SLC16A10: variants seen among roughly 807,000 people sequenced by gnomAD.
The protein encoded by SLC16A10 is monocarboxylate transporter 10.
In SLC16A10, 27 loss-of-function variants were observed where a neutral mutation model predicts 40.0. The ratio of observed to expected loss-of-function variants is 0.67; its 90% CI spans 0.50 to 0.93. The LOEUF (loss-of-function observed/expected upper bound fraction) is 0.93. SLC16A10 is among the 40% of genes least tolerant of loss of function. The pLI is 0.00. For synonymous variants in SLC16A10, 213 were observed against 249.8 expected (o/e 0.85, Z 1.39); for missense variants, 529 against 658.2 (o/e 0.80, Z 2.15).
intron 4 of SLC16A10, among the ~76,000 whole-genome samples, chr6:111,215,316 A>G (rs1354227593): frequency 6.6e-6 from 1 of 151,786 alleles, no homozygotes; most frequent in Non-Finnish European, 1.5e-5. Flanking sequence ...TAACAAAGCC[A>G]AGTACTGTAC....
chr6:111,134,777 G>A (rs1289719816), intron 1 of SLC16A10, among the ~76,000 whole-genome samples: 1 of 152,156 alleles, frequency 6.6e-6, no homozygotes, highest in African/African-American at 2.4e-5. Context: ...TGCCCCAGGG[G>A]ACGTAGGTCC....
intron 1 of SLC16A10, among the ~76,000 whole-genome samples, chr6:111,123,074 AT>A (rs1355901706): frequency 1.3e-5 from 2 of 152,194 alleles, no homozygotes; most frequent in Non-Finnish European, 2.9e-5. Context: ...TTGGAGCCTA[AT>A]GTGATCTGGA....
chr6:111,116,533 T>C (rs1771490520), intron 1 of SLC16A10, among the ~76,000 whole-genome samples: 1 of 152,174 alleles, frequency 6.6e-6, no homozygotes, highest in Admixed American at 6.5e-5. Context: ...AAGTAAAAAT[T>C]TGAAGTCAAC....
At chr6:111,121,311 C>T (rs771855974) in intron 1 of SLC16A10, among the ~76,000 whole-genome samples, 24 of 152,182 alleles carry the variant, frequency 1.6e-4, no homozygotes, top group South Asian at 1.0e-3. Flanking sequence ...CCGGTAATCC[C>T]GGCACTTTGG....
chr6:111,149,561 A>G (rs1772137083), intron 1 of SLC16A10, among the ~76,000 whole-genome samples: 1 of 152,214 alleles, frequency 6.6e-6, no homozygotes, highest in Non-Finnish European at 1.5e-5. Context: ...AAAGTTTTAT[A>G]TGCATACAGT....
At chr6:111,218,787 G>A in intron 4 of SLC16A10, 27 bp from the exon 5 acceptor site, 1 of 1,595,278 alleles carries the variant, frequency 6.3e-7, no homozygotes, top group Non-Finnish European at 8.6e-7. Context: ...CCTGCGAGCG[G>A]AGCTGACCTT....
intron 1 of SLC16A10, among the ~76,000 whole-genome samples, chr6:111,095,121 C>CTGGGCCAG: frequency 6.6e-6 from 1 of 152,394 alleles, no homozygotes; most frequent in African/African-American, 2.4e-5. Flanking sequence ...CCTGCAAGCT[C>CTGGGCCAG]TGGCCCTTGC....
intron 1 of SLC16A10, among the ~76,000 whole-genome samples, chr6:111,161,866 C>T (rs942164635): frequency 2.0e-5 from 3 of 152,130 alleles, no homozygotes; most frequent in African/African-American, 4.8e-5. Flanking sequence ...CTCTGGGTTA[C>T]GGGCACCCTG....
chr6:111,198,739 T>C (rs1159974351), intron 3 of SLC16A10, among the ~76,000 whole-genome samples: 1 of 152,242 alleles, frequency 6.6e-6, no homozygotes, highest in African/African-American at 2.4e-5. Context: ...GTAATTCCAC[T>C]ATTGATTAGA....
chr6:111,103,795 G>T (rs1465095737), intron 1 of SLC16A10, among the ~76,000 whole-genome samples: 1 of 152,136 alleles, frequency 6.6e-6, no homozygotes, highest in Non-Finnish European at 1.5e-5. Context: ...AACAGAAGAG[G>T]GTATCCGAGG....
chr6:111,092,985 G>T (rs1771008372), intron 1 of SLC16A10, among the ~76,000 whole-genome samples: 1 of 149,372 alleles, frequency 6.7e-6, no homozygotes, highest in Admixed American at 6.7e-5. Context: ...AGGTTGTAGT[G>T]AGCCAAGATG....
At chr6:111,195,525 A>G (rs1244951824) in intron 3 of SLC16A10, among the ~76,000 whole-genome samples, 1 of 152,232 alleles carries the variant, frequency 6.6e-6, no homozygotes, top group East Asian at 1.9e-4. Context: ...ACGATAAAAA[A>G]TTAAAAAGTA....
chr6:111,151,088 C>T (rs754914716), intron 1 of SLC16A10, among the ~76,000 whole-genome samples: 10 of 152,188 alleles, frequency 6.6e-5, no homozygotes, highest in Non-Finnish European at 1.2e-4. Flanking sequence ...AAGGTAGTTT[C>T]TGGCTTGTTT....
intron 1 of SLC16A10, among the ~76,000 whole-genome samples, chr6:111,089,270 A>G (rs540619109): frequency 1.3e-5 from 2 of 152,338 alleles, no homozygotes; most frequent in South Asian, 2.1e-4. Flanking sequence ...AACTATTTGT[A>G]TCATTCTGCA....
chr6:111,125,358 A>G (rs1333828434), intron 1 of SLC16A10, among the ~76,000 whole-genome samples: 1 of 152,178 alleles, frequency 6.6e-6, no homozygotes, highest in Non-Finnish European at 1.5e-5. Flanking sequence ...ATAAATGCAT[A>G]TGGGCGTGGA....
rs1772709282 is a variant in SLC16A10, at chr6:111,177,523, G to T, written c.800G>T (p.Gly267Val). The change falls in exon 3 of 6, where the codon GGA becomes GTA. Residue 267 changes from glycine (G) to valine (V), a missense_variant. Transcript: ENST00000368851. The stretch of plus-strand genomic sequence containing the variant: ...AAAGATAAAGAGAGTGGAGGTAGCG[G>T]ATCCTCCCTCTTTTCCAGGAAAAAG... ...STKDKESGGS[G>V]SSLFSRKKFS... 9 of 1,613,700 alleles carry T rather than the reference G, an allele frequency of 5.6e-6. No homozygotes were observed. The highest frequency in any genetic ancestry group is 7.6e-6 in the Non-Finnish European group (9 of 1,179,914).
intron 1 of SLC16A10, among the ~76,000 whole-genome samples, chr6:111,092,182 A>T (rs1419194433): frequency 6.6e-6 from 1 of 152,114 alleles, no homozygotes; most frequent in Non-Finnish European, 1.5e-5. Flanking sequence ...AGTAGAACCA[A>T]TGAAAAATGC....
chr6:111,171,309 T>C (rs1772581465), intron 1 of SLC16A10, among the ~76,000 whole-genome samples: 1 of 152,182 alleles, frequency 6.6e-6, no homozygotes, highest in Non-Finnish European at 1.5e-5. Flanking sequence ...GTCTCTTCAT[T>C]GTGTTTTAAG....
At position 111,206,593 on chromosome 6, in the gene SLC16A10, T is replaced by C. The variant is rs770047866; in HGVS notation, c.944T>C (p.Met315Thr). The change falls in exon 4 of 6, where the codon ATG (methionine) becomes ACG (threonine). Residue 315 changes from methionine to threonine, a missense_variant and splice_region_variant. Transcript: ENST00000368851. ...GGTTTCTTTCTCTTTGGCCTATAGA[T>C]GAAACATGTAAATGAAAGATTTCAA... is the stretch of plus-strand genomic sequence containing the variant. Reference protein sequence around the residue: ...FGYFVPYVHLMKHVNERFQDE... With the variant: ...FGYFVPYVHLTKHVNERFQDE... 103 of 1,613,894 alleles carry C rather than the reference T, an allele frequency of 6.4e-5. No individual in the cohort carries two copies. The highest frequency in any genetic ancestry group is 8.6e-5 in the Non-Finnish European group (101 of 1,179,976).
Sources: allele counts gnomAD v4.1 joint callset (sites outside exome capture counted in the v4.1 genomes callset), GRCh38; gene constraint gnomAD v4.1.1; transcripts MANE v1.5; gene names NCBI Gene and HGNC (gene_info 2026-07-23, HGNC 2026-07-21).